The following KAZN variants were observed in gnomAD, a reference collection of about 807,000 sequenced individuals.
KAZN encodes the protein kazrin.
Under a neutral mutation model 87.4 loss-of-function variants are expected in KAZN, and 40 were observed. The ratio of observed to expected loss-of-function variants is 0.46; its 90% CI spans 0.36 to 0.60. The LOEUF is 0.60. Among genes scored for constraint, KAZN ranks in the 20% least tolerant of loss-of-function variants. The probability of loss-of-function intolerance (pLI) is 0.00; values close to 1 mark genes in which losing one functional copy is unlikely to be tolerated. For missense variants in KAZN, 898 were observed against 1,073.9 expected (o/e 0.84, Z 2.29); for synonymous variants, 466 against 458.3 (o/e 1.02, Z -0.22).
rs1224015321 is a variant in KAZN, at chr1:14,139,965, GTGTGGTATGTA to G, written c.92-40465_92-40455del. On this transcript the variant is annotated intron_variant, in intron 1 of 16. Coordinates refer to the KAZN transcript ENST00000636203. ...TGTGTGTGTGTGTGTGTGTGTGTGT[GTGTGGTATGTA>G]TGTGTGTGTGTGTGTTAAGTAGGAA... is the stretch of plus-strand genomic sequence containing the variant. Among the ~76,000 whole-genome samples, 313 of 69,452 alleles carry G rather than the reference GTGTGGTATGTA, an allele frequency of 4.5e-3. 1 individual carries two copies. Among genetic ancestry groups the G allele is most frequent in the African/African-American group, 0.025 (242 of 9,812 alleles). 45.6% of individuals were successfully genotyped at this position (69,452 alleles called of 152,430 possible).
intron 1 of KAZN, among the ~76,000 whole-genome samples, chr1:13,909,388 G>A (rs976861322): frequency 3.3e-5 from 5 of 152,156 alleles, no homozygotes; most frequent in South Asian, 2.1e-4. Context: ...GCAAGAGGGT[G>A]AGGAGGGAGG....
At chr1:13,987,680 A>AAGAGAGAG (rs70987710) in intron 1 of KAZN, among the ~76,000 whole-genome samples, 1 of 151,208 alleles carries the variant, frequency 6.6e-6, no homozygotes, top group Non-Finnish European at 1.5e-5. Flanking sequence ...GAGGGAGAGA[A>AAGAGAGAG]AGAGAGAGAG....
chr1:14,598,192 G>T (rs138745713), upstream of KAZN, among the ~76,000 whole-genome samples: 5 of 152,144 alleles, frequency 3.3e-5, no homozygotes, highest in Admixed American at 1.3e-4. The surrounding 1 kb of genome is among the most constrained non-coding windows in gnomAD (Gnocchi z 4.2). Context: ...GCCTGCGGGT[G>T]GGGGGTGGAG....
intron 2 of KAZN, among the ~76,000 whole-genome samples, chr1:14,406,902 T>A (rs1353920571): frequency 1.3e-5 from 2 of 152,120 alleles, no homozygotes; most frequent in Admixed American, 6.5e-5. Flanking sequence ...GCTCATAGGC[T>A]TGAAGTGAGG....
intron 1 of KAZN, among the ~76,000 whole-genome samples, chr1:14,884,869 G>T (rs1222467416): frequency 1.3e-5 from 2 of 152,204 alleles, no homozygotes; most frequent in Non-Finnish European, 2.9e-5. Flanking sequence ...CATCAAAGAA[G>T]AAATACATTT....
At chr1:14,918,229 C>A (rs1308660828) in intron 1 of KAZN, among the ~76,000 whole-genome samples, 1 of 152,152 alleles carries the variant, frequency 6.6e-6, no homozygotes, top group African/African-American at 2.4e-5. Flanking sequence ...GATGGGCTGT[C>A]CTGTCTGAGA....
intron 2 of KAZN, among the ~76,000 whole-genome samples, chr1:14,981,128 G>C (rs1444966323): frequency 6.6e-6 from 1 of 152,196 alleles, no homozygotes; most frequent in Non-Finnish European, 1.5e-5. Context: ...TCCAAGAAGG[G>C]AGGGGAGAGT....
chr1:14,092,414 A>C (rs1358064330), intron 1 of KAZN, among the ~76,000 whole-genome samples: 1 of 150,448 alleles, frequency 6.6e-6, no homozygotes, highest in African/African-American at 2.4e-5. Flanking sequence ...ACAATAAGAA[A>C]TATATAATTG....
At chr1:14,835,503 T>C (rs1647205411) in intron 1 of KAZN, among the ~76,000 whole-genome samples, 1 of 152,098 alleles carries the variant, frequency 6.6e-6, no homozygotes, top group African/African-American at 2.4e-5. Context: ...TGAGGTGCAT[T>C]ATGTTACTCA....
At chr1:13,924,723 G>A (rs992458972) in intron 1 of KAZN, among the ~76,000 whole-genome samples, 4 of 152,116 alleles carry the variant, frequency 2.6e-5, no homozygotes, top group Admixed American at 6.5e-5. Context: ...GAGTTGTCTC[G>A]CCTTTCCAGA....
chr1:14,774,340 C>T (rs983433427), intron 1 of KAZN, among the ~76,000 whole-genome samples: 3 of 152,128 alleles, frequency 2.0e-5, no homozygotes, highest in South Asian at 2.1e-4. Flanking sequence ...ATTCGAAAGC[C>T]CCTTTCCCAG....
At chr1:14,436,435 T>C (rs188597129) in intron 2 of KAZN, among the ~76,000 whole-genome samples, 101 of 152,188 alleles carry the variant, frequency 6.6e-4, no homozygotes, top group African/African-American at 1.8e-3. Flanking sequence ...GGCACTGATA[T>C]GCATTTTCTT....
rs530046435 is a variant in KAZN at position 14,498,842 on chromosome 1, G to A, written c.250-100141G>A. Among the ~76,000 whole-genome samples, 8 of 152,124 alleles carry A rather than the reference G, an allele frequency of 5.3e-5. No individual in the cohort carries two copies. In the South Asian group the frequency reaches 8.3e-4, roughly 16 times the overall value. On this transcript the variant is annotated intron_variant, in intron 2 of 16. Coordinates refer to the KAZN transcript ENST00000636203. ...AAGCCCCTGTCTAAGTAGCCTCTTC[G>A]CTACAGTGACAGTTCCCCAGGTTCT...
intron 1 of KAZN, among the ~76,000 whole-genome samples, chr1:14,728,749 C>T (rs931930377): frequency 3.3e-5 from 5 of 152,194 alleles, no homozygotes; most frequent in Non-Finnish European, 7.3e-5. Context: ...CCCGATCCTG[C>T]CTCTGGCATC....
chr1:14,847,540 G>T (rs1433786916), intron 1 of KAZN, among the ~76,000 whole-genome samples: 3 of 152,202 alleles, frequency 2.0e-5, no homozygotes, highest in Non-Finnish European at 4.4e-5. Flanking sequence ...ATGTACATCT[G>T]CGTCTGTGTA....
At chr1:14,766,423 A>C (rs570243422) in intron 1 of KAZN, among the ~76,000 whole-genome samples, 3 of 152,126 alleles carry the variant, frequency 2.0e-5, no homozygotes, top group South Asian at 2.1e-4. Context: ...CAGTGTTTGC[A>C]AAAAACAGAG....
At chr1:14,575,627 T>C (rs1675130824) in intron 2 of KAZN, among the ~76,000 whole-genome samples, 1 of 152,276 alleles carries the variant, frequency 6.6e-6, no homozygotes, top group Non-Finnish European at 1.5e-5. Flanking sequence ...GTTGCAGTCA[T>C]CTAAATGACA....
At chr1:14,884,998 G>T (rs1303730410) in intron 1 of KAZN, among the ~76,000 whole-genome samples, 3 of 152,212 alleles carry the variant, frequency 2.0e-5, no homozygotes, top group African/African-American at 7.2e-5. Context: ...TGCTCACCGA[G>T]GGAGTCCACC....
At chr1:14,188,621 T>C (rs969884116) in intron 2 of KAZN, among the ~76,000 whole-genome samples, 1 of 151,758 alleles carries the variant, frequency 6.6e-6, no homozygotes, top group Non-Finnish European at 1.5e-5. Context: ...AACAAGAATA[T>C]GAAGAATATG....
Sources: gnomAD v4.1 joint callset for allele counts (sites outside exome capture counted in the v4.1 genomes callset) on GRCh38, gnomAD v4.1.1 for gene constraint, Gnocchi (gnomAD v3.1) non-coding constraint, MANE v1.5 for transcripts, NCBI Gene and HGNC (gene_info 2026-07-23, HGNC 2026-07-21) for gene names.